The following JCAD variants were observed in gnomAD, a reference collection of about 807,000 sequenced individuals.
JCAD encodes the protein junctional cadherin 5-associated protein.
A neutral mutation model predicts 98.0 loss-of-function variants in JCAD; 40 were observed. That is an observed-to-expected ratio of 0.41 (90% CI 0.32 to 0.53). The LOEUF is 0.53. JCAD is among the 20% of genes least tolerant of loss of function. The pLI is 0.31. For synonymous variants in JCAD, 691 were observed against 682.3 expected, an observed-to-expected ratio of 1.01 and a Z score of -0.20; for missense variants, 1,705 against 1,738.1, an observed-to-expected ratio of 0.98 and a Z score of 0.34.
intron 1 of JCAD, among the ~76,000 whole-genome samples, chr10:30,048,147 G>A (rs904529997): frequency 3.3e-5 from 5 of 152,272 alleles, no homozygotes; most frequent in South Asian, 2.1e-4. Flanking sequence ...CATGTGGCAC[G>A]GTGCTTAAGC....
Position 30,056,160 on chromosome 10 carries a change from A to G in JCAD, c.-60+3322T>C, listed in dbSNP as rs534840250. Among the ~76,000 whole-genome samples, 5 of 152,326 alleles carry G rather than the reference A, an allele frequency of 3.3e-5. No homozygotes were observed. The South Asian group carries it at 1.0e-3, about 32-fold the overall frequency. On this transcript the variant is annotated intron_variant, in intron 1 of 3. Coordinates refer to ENST00000375377, the MANE Select transcript of JCAD (RefSeq NM_020848.4). ...AAAAATAGCTGTAAAACATCATCAT[A>G]GGTTAGAGTTTTATTCCCTTATCAT...
chr10:30,115,040 A>C (rs1005664667), intron 1 of JCAD, among the ~76,000 whole-genome samples: 2 of 152,232 alleles, frequency 1.3e-5, no homozygotes, highest in African/African-American at 2.4e-5. Context: ...CCAACCTCAG[A>C]GCCACTGCCC....
At chr10:30,059,612 C>CCGCCCGGGCCCGCCCCGCCCAT (rs1837663251), upstream of JCAD, 5 of 152,040 alleles carry the variant, frequency 3.3e-5, no homozygotes, top group African/African-American at 1.2e-4. The surrounding 1 kb of genome is among the most constrained non-coding windows in gnomAD (Gnocchi z 5.0). Flanking sequence ...GCCCCGCCCA[C>CCGCCCGGGCCCGCCCCGCCCAT]CGCCCGGGCC....
chr10:30,095,067 T>C (rs1486364961), intron 1 of JCAD, among the ~76,000 whole-genome samples: 1 of 152,154 alleles, frequency 6.6e-6, no homozygotes, highest in Non-Finnish European at 1.5e-5. Context: ...TCTGAGTCCC[T>C]TTGGTCACCT....
At chr10:30,080,643 C>T (rs1005908811) in intron 1 of JCAD, among the ~76,000 whole-genome samples, 5 of 152,166 alleles carry the variant, frequency 3.3e-5, no homozygotes, top group African/African-American at 1.2e-4. Flanking sequence ...TCTCATGATT[C>T]ATTAACTCAC....
intron 1 of JCAD, among the ~76,000 whole-genome samples, chr10:30,095,122 G>A (rs939986696): frequency 3.3e-5 from 5 of 152,092 alleles, no homozygotes; most frequent in Admixed American, 2.6e-4. Flanking sequence ...CGAACTTTAT[G>A]TTTATTCTCT....
At chr10:30,054,798 T>A (rs1390601103) in intron 1 of JCAD, among the ~76,000 whole-genome samples, 2 of 150,668 alleles carry the variant, frequency 1.3e-5, no homozygotes, top group Non-Finnish European at 3.0e-5. Flanking sequence ...GCCTCCGGAG[T>A]AGCTGGGACT....
chr10:30,028,058 T>G lies in JCAD; in HGVS notation c.2090A>C (p.Glu697Ala), dbSNP rs1197012013. 6.2e-6 allele frequency: 10 copies of G among 1,614,140 alleles called. No individual in the cohort carries two copies. The highest frequency in any genetic ancestry group is 8.5e-6 in the Non-Finnish European group (10 of 1,180,058). Residue 697 changes from glutamate (E) to alanine (A), a missense_variant, in exon 3 of 4, where the codon GAG becomes GCG. By Grantham distance (107) the Glu-to-Ala change is moderately radical. Coordinates refer to ENST00000375377, the MANE Select transcript of JCAD (RefSeq NM_020848.4). ...GAGCAGCTGCGAACTTTGGGGCTCC[T>G]CGGAGAAACTGGTTTGTGTTTGCTG... Reference protein sequence around the residue: ...RDQQTQTSFSEEPQSSQLLPG... With the variant: ...RDQQTQTSFSAEPQSSQLLPG...
intron 1 of JCAD, among the ~76,000 whole-genome samples, chr10:30,053,160 T>C (rs1389897803): frequency 6.6e-6 from 1 of 152,104 alleles, no homozygotes; most frequent in Non-Finnish European, 1.5e-5. Flanking sequence ...ATGCTTGTTG[T>C]TGGTAAGGGC....
chr10:30,048,441 C>T (rs77254964), intron 1 of JCAD, among the ~76,000 whole-genome samples: 6,238 of 152,286 alleles, frequency 0.041, 230 homozygotes, highest in East Asian at 0.22. Context: ...GCAGCCACCC[C>T]GGGGCAGTTA....
At chr10:30,041,500 G>T (rs543463509) in intron 2 of JCAD, among the ~76,000 whole-genome samples, 5 of 152,284 alleles carry the variant, frequency 3.3e-5, no homozygotes, top group African/African-American at 9.6e-5. Context: ...AAAAGACCCT[G>T]AAAATGAACT....
chr10:30,061,059 C>T (rs1449883560), upstream of JCAD, among the ~76,000 whole-genome samples: 2 of 152,154 alleles, frequency 1.3e-5, no homozygotes, highest in East Asian at 3.9e-4. Flanking sequence ...ATTAGGGGCT[C>T]GAGAACCAGG....
At position 30,013,752 on chromosome 10, in the gene JCAD, TG is replaced by T. The variant is rs1242112566; in HGVS notation, c.*4130del. On this transcript the variant is annotated 3_prime_UTR_variant, in exon 4 of 4. Transcript: ENST00000375377. Reference sequence around the variant, plus strand: ...GATGAACGGCCAGACAATCTGGGCTTGCCTTTGGGTTTAAGTTTCAGTCACT... The same window carrying T: ...GATGAACGGCCAGACAATCTGGGCTTCCTTTGGGTTTAAGTTTCAGTCACT... 6.6e-6 allele frequency: 1 copy of T among 152,216 alleles called. No homozygotes were observed. Among genetic ancestry groups the T allele is most frequent in the Non-Finnish European group, 1.5e-5 (1 of 68,066 alleles). 9.4% of individuals were successfully genotyped at this position (152,216 alleles called of 1,614,324 possible). A position where few individuals can be genotyped will look rare whatever the true frequency, so the allele number is the denominator to read the frequency against.
chr10:30,022,030 A>G (rs117202437), intron 3 of JCAD, among the ~76,000 whole-genome samples: 2 of 152,192 alleles, frequency 1.3e-5, no homozygotes, highest in Non-Finnish European at 2.9e-5. Flanking sequence ...GCAACAGAGG[A>G]TGATGGAACC....
chr10:30,092,082 T>A (rs58014218), intron 1 of JCAD, among the ~76,000 whole-genome samples: 1 of 55,280 alleles, frequency 1.8e-5, no homozygotes, highest in Non-Finnish European at 3.2e-5. Flanking sequence ...TATATATATA[T>A]ATATATAAAG....
Position 30,026,381 on chromosome 10 carries a change from G to A in JCAD, c.3767C>T (p.Pro1256Leu), listed in dbSNP as rs1426615841. 1 of 1,614,104 alleles carries A rather than the reference G, an allele frequency of 6.2e-7. No individual in the cohort carries two copies. Among genetic ancestry groups the A allele is most frequent in the East Asian group, 2.2e-5 (1 of 44,902 alleles). The change falls in exon 3 of 4, where the codon CCT becomes CTT. Residue 1256 changes from proline (P) to leucine (L), a missense_variant. By Grantham distance (98) the Pro-to-Leu change is moderately conservative (BLOSUM62 -3). Transcript: ENST00000375377. Reference sequence around the variant, plus strand: ...CTCTTTCATTCTCATCAGGCGGTCAGGGTCTGCTCTCCTAGGCGGGGAGGC... The same window carrying A: ...CTCTTTCATTCTCATCAGGCGGTCAAGGTCTGCTCTCCTAGGCGGGGAGGC... ...KLASPPRRAD[P>L]DRLMRMKEVS...
intron 2 of JCAD, among the ~76,000 whole-genome samples, chr10:30,030,768 T>C (rs1836974131): frequency 6.6e-6 from 1 of 152,020 alleles, no homozygotes; most frequent in African/African-American, 2.4e-5. Context: ...CCCAGGGCCT[T>C]ACTTTGAGAA....
chr10:30,093,366 T>C (rs1240833450), intron 1 of JCAD, among the ~76,000 whole-genome samples: 1 of 152,238 alleles, frequency 6.6e-6, no homozygotes, highest in East Asian at 1.9e-4. Context: ...CACATATTCG[T>C]GTTGCTTACA....
rs757996704 is a variant in JCAD, at chr10:30,029,066, G to T, written c.1082C>A (p.Thr361Lys). Residue 361 changes from threonine to lysine, a missense_variant, in exon 3 of 4, where the codon ACG (threonine) becomes AAG (lysine). Around this residue, in one of 3 missense-constraint regions of JCAD, gnomAD observed 275 missense variants for 346.9 expected, o/e 0.79. Transcript: ENST00000375377. ...QNIPNPYLED[T>K]VPINVCGGHS... is the part of the protein sequence containing the mutation. Reference sequence around the variant, plus strand: ...ACCGCCACACACATTTATGGGCACCGTGTCTTCCAAGTAGGGGTTTGGGAT... The same window carrying T: ...ACCGCCACACACATTTATGGGCACCTTGTCTTCCAAGTAGGGGTTTGGGAT... 1.9e-6 allele frequency: 3 copies of T among 1,614,122 alleles called. No homozygotes were observed. Among genetic ancestry groups the T allele is most frequent in the Non-Finnish European group, 8.5e-7 (1 of 1,180,036 alleles).
Sources: gnomAD v4.1 joint callset for allele counts (sites outside exome capture counted in the v4.1 genomes callset) on GRCh38, gnomAD v4.1.1 for gene constraint, gnomAD v4.1.1 regional missense constraint, Gnocchi (gnomAD v3.1) non-coding constraint, MANE v1.5 for transcripts, NCBI Gene and HGNC (gene_info 2026-07-23, HGNC 2026-07-21) for gene names.